The following SCML4 variants were observed in gnomAD, a reference collection of about 807,000 sequenced individuals.
SCML4 encodes sex comb on midleg-like protein 4.
SCML4 carries 34 observed loss-of-function variants against 41.1 expected under a neutral mutation model. The ratio of observed to expected loss-of-function variants is 0.83; its 90% CI spans 0.63 to 1.10. The LOEUF (loss-of-function observed/expected upper bound fraction) is 1.10, where lower values mean the gene tolerates loss of function less well. SCML4 is among the 50% of genes least tolerant of loss of function. The probability of loss-of-function intolerance (pLI) is 0.00; values close to 1 mark genes in which losing one functional copy is unlikely to be tolerated. For missense variants in SCML4, 522 were observed against 534.1 expected (o/e 0.98, Z 0.22); for synonymous variants, 214 against 220.9 (o/e 0.97, Z 0.28).
At chr6:107,844,935 TAA>T in the SCML4 span, among the ~76,000 whole-genome samples, 26,451 of 140,406 alleles carry the variant, frequency 0.19, 2,787 homozygotes, top group Non-Finnish European at 0.25. Context: ...ATATGTATAT[TAA>T]AAAAAAAAAA....
At chr6:107,743,600 C>T (rs1348010126) in intron 5 of SCML4, among the ~76,000 whole-genome samples, 2 of 152,226 alleles carry the variant, frequency 1.3e-5, no homozygotes, top group African/African-American at 4.8e-5. Context: ...CAACTCCAAC[C>T]TGTCATTTAC....
At chr6:107,747,169 C>T (rs961833264) in intron 3 of SCML4, among the ~76,000 whole-genome samples, 1 of 152,198 alleles carries the variant, frequency 6.6e-6, no homozygotes, top group Non-Finnish European at 1.5e-5. Flanking sequence ...GAATTAAAGA[C>T]CATTATGGTG....
In SCML4 at chr6:107,746,666, ATGC is replaced by A; in HGVS notation, c.487+20_487+22del. ...GCAGAGAGACATCCATGGCCTCCTC[ATGC>A]AACCTGCCCCAGGCCTTACCTGACA... On this transcript the variant is annotated intron_variant, in intron 4 of 7. Coordinates refer to ENST00000369020, the MANE Select transcript of SCML4 (RefSeq NM_198081.5). 6.2e-7 allele frequency: 1 copy of A among 1,606,782 alleles called. No individual in the cohort carries two copies. Among genetic ancestry groups the A allele is most frequent in the Non-Finnish European group, 8.5e-7 (1 of 1,174,332 alleles).
At chr6:107,821,084 G>A (rs183185980) in intron 1 of SCML4, among the ~76,000 whole-genome samples, 123 of 152,254 alleles carry the variant, frequency 8.1e-4, no homozygotes, top group African/African-American at 2.5e-3. Context: ...GTACTGCCCC[G>A]GGGCTGAGAG....
intron 1 of SCML4, among the ~76,000 whole-genome samples, chr6:107,817,246 C>CAGGTCA (rs1413444232): frequency 2.6e-5 from 4 of 152,202 alleles, no homozygotes; most frequent in African/African-American, 9.6e-5. Flanking sequence ...AATAAGAACT[C>CAGGTCA]AATTTCTCAG....
At chr6:107,808,711 C>A (rs9486721) in intron 1 of SCML4, among the ~76,000 whole-genome samples, 1 of 151,988 alleles carries the variant, frequency 6.6e-6, no homozygotes, top group African/African-American at 2.4e-5. Flanking sequence ...GCTCATGTGG[C>A]CTTTTTCATT....
upstream of SCML4, among the ~76,000 whole-genome samples, chr6:107,828,106 T>C (rs1006668463): frequency 2.4e-4 from 36 of 152,206 alleles, no homozygotes; most frequent in African/African-American, 8.2e-4. Context: ...ATCTTACAGA[T>C]AAGGAAACTG....
chr6:107,720,607 T>C, intron 6 of SCML4, 96 bp downstream of exon 6: 1 of 1,449,602 alleles, frequency 6.9e-7, no homozygotes, highest in African/African-American at 1.4e-5. Context: ...GTCCCACGTT[T>C]AAACAGCCAC....
At chr6:107,845,346 A>T in the SCML4 span, among the ~76,000 whole-genome samples, 147,402 of 152,314 alleles carry the variant, frequency 0.97, 71,467 homozygotes, top group Non-Finnish European at 1. Context: ...TGGGACCCAG[A>T]GGCCCCGACC....
the SCML4 span, among the ~76,000 whole-genome samples, chr6:107,840,048 T>C: frequency 2.0e-5 from 3 of 152,240 alleles, no homozygotes; most frequent in Admixed American, 2.0e-4. Context: ...ATATGCTTTA[T>C]GAAAATCCTT....
chr6:107,735,024 C>A (rs750381639), intron 5 of SCML4, among the ~76,000 whole-genome samples: 11 of 152,048 alleles, frequency 7.2e-5, no homozygotes, highest in Non-Finnish European at 1.2e-4. Context: ...TACAGGCATC[C>A]ACCACCACAC....
At chr6:107,813,700 C>A (rs989062645) in intron 1 of SCML4, among the ~76,000 whole-genome samples, 7 of 152,058 alleles carry the variant, frequency 4.6e-5, no homozygotes, top group African/African-American at 1.2e-4. Context: ...CTACATGCTG[C>A]GGTTATCAGT....
intron 2 of SCML4, among the ~76,000 whole-genome samples, chr6:107,752,647 C>T (rs954713090): frequency 6.6e-6 from 1 of 152,066 alleles, no homozygotes; most frequent in Non-Finnish European, 1.5e-5. Flanking sequence ...AGTGGTTAAC[C>T]ATGCTAAGTG....
At chr6:107,781,465 G>A (rs113980515) in intron 1 of SCML4, among the ~76,000 whole-genome samples, 4,056 of 152,080 alleles carry the variant, frequency 0.027, 188 homozygotes, top group African/African-American at 0.093. Flanking sequence ...TGAGCAATAG[G>A]GCATAACACC....
intron 2 of SCML4, among the ~76,000 whole-genome samples, chr6:107,768,061 G>A (rs137889194): frequency 2.7e-3 from 390 of 144,388 alleles, no homozygotes; most frequent in Non-Finnish European, 4.6e-3. Context: ...AGGCATTCAA[G>A]ACCAGCCTGG....
chr6:107,819,514 C>T (rs1242529830), intron 1 of SCML4, among the ~76,000 whole-genome samples: 1 of 152,226 alleles, frequency 6.6e-6, no homozygotes, highest in Non-Finnish European at 1.5e-5. Flanking sequence ...CACTCCTCTG[C>T]TTCTGTCTTG....
At chr6:107,835,952 T>C in the SCML4 span, among the ~76,000 whole-genome samples, 1 of 152,180 alleles carries the variant, frequency 6.6e-6, no homozygotes, top group Admixed American at 6.5e-5. Flanking sequence ...ATTTATGTCC[T>C]GCCTGAACTT....
chr6:107,751,637 T>TCTTA (rs1778682983), intron 2 of SCML4, among the ~76,000 whole-genome samples: 1 of 143,524 alleles, frequency 7.0e-6, no homozygotes, highest in Non-Finnish European at 1.5e-5. Context: ...TTTCTTTCTT[T>TCTTA]CTTTCTTTCT....
chr6:107,707,835 C>T, intron 7 of SCML4, 31 bp downstream of exon 7: 1 of 1,551,544 alleles, frequency 6.4e-7, no homozygotes, highest in South Asian at 1.2e-5. Flanking sequence ...TCCCTCAATC[C>T]CCCCCAAGGT....
Sources: allele counts gnomAD v4.1 joint callset (sites outside exome capture counted in the v4.1 genomes callset), GRCh38; gene constraint gnomAD v4.1.1; transcripts MANE v1.5; gene names NCBI Gene and HGNC (gene_info 2026-07-23, HGNC 2026-07-21).